The following CNTN5 variants were observed in gnomAD, a reference collection of about 807,000 sequenced individuals.
The protein encoded by CNTN5 is contactin-5.
CNTN5 carries 77 observed loss-of-function variants against 129.1 expected under a neutral mutation model. The ratio of observed to expected loss-of-function variants is 0.60; its 90% CI spans 0.50 to 0.72. The LOEUF (loss-of-function observed/expected upper bound fraction) is 0.72. Among genes scored for constraint, CNTN5 ranks in the 30% least tolerant of loss-of-function variants. The pLI is 0.00. For synonymous variants in CNTN5, 509 were observed against 465.6 expected (o/e 1.09, Z -1.20); for missense variants, 1,478 against 1,328.8 (o/e 1.11, Z -1.75).
chr11:100,064,194 G>A (rs1338008119), intron 10 of CNTN5, among the ~76,000 whole-genome samples: 2 of 152,170 alleles, frequency 1.3e-5, no homozygotes, highest in African/African-American at 2.4e-5. Flanking sequence ...CAGTATTCAT[G>A]TAGTACTGAA....
chr11:100,169,295 T>A (rs887472434), intron 13 of CNTN5, among the ~76,000 whole-genome samples: 12 of 151,956 alleles, frequency 7.9e-5, no homozygotes, highest in Non-Finnish European at 1.8e-4. Context: ...TACAGAGAAA[T>A]CTTTCATGAA....
chr11:99,576,342 C>A (rs1949350233), intron 3 of CNTN5, among the ~76,000 whole-genome samples: 1 of 152,164 alleles, frequency 6.6e-6, no homozygotes, highest in African/African-American at 2.4e-5. Context: ...AAAGGGAAAT[C>A]TGGCAGGAGG....
chr11:100,147,131 T>A (rs1946876335), intron 13 of CNTN5, among the ~76,000 whole-genome samples: 1 of 152,142 alleles, frequency 6.6e-6, no homozygotes, highest in Non-Finnish European at 1.5e-5. Flanking sequence ...CCTGGTTTCA[T>A]CTTTCTGTTA....
intron 2 of CNTN5, among the ~76,000 whole-genome samples, chr11:99,433,198 C>T (rs72989836): frequency 0.14 from 20,982 of 151,964 alleles, 1,881 homozygotes; most frequent in Middle Eastern, 0.29. Flanking sequence ...CTTGAGAGTA[C>T]AGCAGAGAAA....
rs186562278 is a variant in CNTN5, at chr11:99,747,879, C to T, written c.56-71665C>T. Among the ~76,000 whole-genome samples the T allele has an allele frequency of 3.3e-5, 5 of 152,176 alleles. No individual in the cohort carries two copies. In the East Asian group the frequency reaches 9.7e-4, roughly 29 times the overall value. Reference sequence around the variant, plus strand: ...TATATGGCTTTATTATGTTAAGGTGCATTTCTTCTCTATATCTAATTGTTT... The same window carrying T: ...TATATGGCTTTATTATGTTAAGGTGTATTTCTTCTCTATATCTAATTGTTT... On this transcript the variant is annotated intron_variant, in intron 3 of 24. Coordinates refer to ENST00000524871, the MANE Select transcript of CNTN5 (RefSeq NM_014361.4).
rs1216979836 is a variant in CNTN5, at chr11:99,647,798, T to TG, written c.55+91530dup. The stretch of plus-strand genomic sequence containing the variant: ...ATTCCAAGGCATTTTATTTTTTTTT[T>TG]GTATCTATACTAATGGGGTTACTTA... On this transcript the variant is annotated intron_variant, in intron 3 of 24. Coordinates refer to ENST00000524871, the MANE Select transcript of CNTN5 (RefSeq NM_014361.4). 4.5e-3 allele frequency among the ~76,000 whole-genome samples: 678 copies of TG among 150,598 alleles called. 2 individuals are homozygous for TG. Among genetic ancestry groups the TG allele is most frequent in the Non-Finnish European group, 6.6e-3 (446 of 67,324 alleles).
At chr11:99,489,398 C>T (rs182266019) in intron 2 of CNTN5, among the ~76,000 whole-genome samples, 63 of 152,254 alleles carry the variant, frequency 4.1e-4, no homozygotes, top group Non-Finnish European at 7.9e-4. Context: ...AACTATGATT[C>T]CCCTAAAGAT....
chr11:99,101,974 T>A (rs1001844966), intron 1 of CNTN5, among the ~76,000 whole-genome samples: 3 of 152,198 alleles, frequency 2.0e-5, no homozygotes, highest in African/African-American at 7.2e-5. Flanking sequence ...CTCTAACTTC[T>A]GCCAGGACAT....
chr11:99,639,795 C>T (rs543359535), intron 3 of CNTN5, among the ~76,000 whole-genome samples: 1 of 152,054 alleles, frequency 6.6e-6, no homozygotes, highest in Non-Finnish European at 1.5e-5. Context: ...AACACCAGAC[C>T]TCAGGTGATC....
chr11:99,885,596 G>A (rs1948881549), intron 6 of CNTN5, among the ~76,000 whole-genome samples: 1 of 152,116 alleles, frequency 6.6e-6, no homozygotes, highest in South Asian at 2.1e-4. Context: ...ATCCTAACAG[G>A]AACGTTTTAA....
At chr11:99,978,329 A>G (rs1673436593) in intron 8 of CNTN5, among the ~76,000 whole-genome samples, 1 of 152,244 alleles carries the variant, frequency 6.6e-6, no homozygotes, top group Non-Finnish European at 1.5e-5. Context: ...ATTTATTATT[A>G]AAGAACAAAA....
At chr11:100,035,222 T>A (rs1941921829) in intron 9 of CNTN5, among the ~76,000 whole-genome samples, 1 of 151,978 alleles carries the variant, frequency 6.6e-6, no homozygotes, top group Admixed American at 6.6e-5. Context: ...CATGTGTGTT[T>A]GGGTTTTTGT....
At chr11:99,856,927 G>T (rs969700245) in intron 6 of CNTN5, among the ~76,000 whole-genome samples, 4 of 151,666 alleles carry the variant, frequency 2.6e-5, no homozygotes, top group Non-Finnish European at 4.4e-5. Flanking sequence ...TGTTTTCTCT[G>T]CCTGCTGGGC....
intron 3 of CNTN5, among the ~76,000 whole-genome samples, chr11:99,813,793 C>T (rs1223884549): frequency 6.6e-6 from 1 of 152,080 alleles, no homozygotes; most frequent in Non-Finnish European, 1.5e-5. Context: ...AAAGAAATAA[C>T]TGTGTCATAC....
chr11:99,236,491 CACACACAG>C (rs1431098166), intron 1 of CNTN5, among the ~76,000 whole-genome samples: 61 of 149,234 alleles, frequency 4.1e-4, no homozygotes, highest in African/African-American at 1.2e-3. Flanking sequence ...CACACACACA[CACACACAG>C]AGAGAGAGAG....
At chr11:99,381,485 T>G (rs1940558478) in intron 2 of CNTN5, among the ~76,000 whole-genome samples, 1 of 152,206 alleles carries the variant, frequency 6.6e-6, no homozygotes, top group Admixed American at 6.5e-5. Context: ...AATGGCTGTA[T>G]GCAGAAGGCC....
intron 2 of CNTN5, among the ~76,000 whole-genome samples, chr11:99,424,997 G>A (rs554184938): frequency 6.6e-6 from 1 of 152,266 alleles, no homozygotes; most frequent in South Asian, 2.1e-4. Flanking sequence ...TTAGCAGAGA[G>A]GAAACCCATA....
chr11:99,744,280 G>A (rs964738976), intron 3 of CNTN5, among the ~76,000 whole-genome samples: 4 of 151,932 alleles, frequency 2.6e-5, no homozygotes, highest in African/African-American at 9.7e-5. Flanking sequence ...TCAAAAGAAA[G>A]TTACTCTGAT....
At chr11:99,126,119 C>T (rs1288741983) in intron 1 of CNTN5, among the ~76,000 whole-genome samples, 3 of 152,132 alleles carry the variant, frequency 2.0e-5, no homozygotes, top group Non-Finnish European at 4.4e-5. Flanking sequence ...GATATTAAAT[C>T]TGTTTTTAAT....
Sources: allele counts gnomAD v4.1 joint callset (sites outside exome capture counted in the v4.1 genomes callset), GRCh38; gene constraint gnomAD v4.1.1; transcripts MANE v1.5; gene names NCBI Gene and HGNC (gene_info 2026-07-23, HGNC 2026-07-21).